Variants in SIPA1L3 observed in about 807,000 individuals in gnomAD.
SIPA1L3 encodes signal induced proliferation associated 1 like 3.
SIPA1L3 carries 59 observed loss-of-function variants against 150.1 expected under a neutral mutation model. The ratio of observed to expected loss-of-function variants is 0.39; its 90% CI spans 0.32 to 0.49. The LOEUF (loss-of-function observed/expected upper bound fraction) is 0.49, where lower values mean the gene tolerates loss of function less well. SIPA1L3 is among the 20% of genes least tolerant of loss of function. SIPA1L3 has a pLI of 0.86. For synonymous variants in SIPA1L3, 1,070 were observed against 1,077.6 expected (o/e 0.99, Z 0.14); for missense variants, 2,211 against 2,489.5 (o/e 0.89, Z 2.38).
intron 18 of SIPA1L3, 111 bp from the exon 19 acceptor site, chr19:38,198,278 A>C: frequency 8.0e-7 from 1 of 1,255,562 alleles, no homozygotes; most frequent in Non-Finnish European, 1.1e-6. Context: ...ACCCTGCTGG[A>C]GGTTTTCCTG....
intron 1 of SIPA1L3, among the ~76,000 whole-genome samples, chr19:37,927,727 G>GT (rs2046518920): frequency 7.2e-6 from 1 of 139,526 alleles, no homozygotes; most frequent in African/African-American, 2.7e-5. Flanking sequence ...AAGAACATGG[G>GT]GTGTGTGTGT....
intron 15 of SIPA1L3, among the ~76,000 whole-genome samples, chr19:38,167,601 T>C (rs1345795696): frequency 6.6e-6 from 1 of 152,194 alleles, no homozygotes; most frequent in African/African-American, 2.4e-5. Flanking sequence ...CCTGCTCTAT[T>C]GCCCAGGCTG....
At chr19:38,083,914 A>G (rs567636733) in intron 3 of SIPA1L3, among the ~76,000 whole-genome samples, 1 of 149,746 alleles carries the variant, frequency 6.7e-6, no homozygotes, top group East Asian at 2.0e-4. Flanking sequence ...AATCGCTTGA[A>G]CCCAGGAGGC....
At chr19:37,976,995 C>T (rs1036931046) in intron 1 of SIPA1L3, among the ~76,000 whole-genome samples, 3 of 151,924 alleles carry the variant, frequency 2.0e-5, no homozygotes, top group African/African-American at 4.8e-5. Context: ...CCACCATCCC[C>T]GGCTAATTTT....
At chr19:38,179,024 G>T (rs1280580692) in intron 15 of SIPA1L3, among the ~76,000 whole-genome samples, 1 of 152,180 alleles carries the variant, frequency 6.6e-6, no homozygotes, top group Non-Finnish European at 1.5e-5. Flanking sequence ...GACCATTCAC[G>T]TTAAATGTAA....
At chr19:37,988,637 C>T (rs1179263940) in intron 1 of SIPA1L3, among the ~76,000 whole-genome samples, 1 of 152,198 alleles carries the variant, frequency 6.6e-6, no homozygotes, top group Non-Finnish European at 1.5e-5. Flanking sequence ...GATCACACCA[C>T]TGCACTCCAG....
rs552417611 is a variant in SIPA1L3 at position 37,973,297 on chromosome 19, C to T, written c.-378-55792C>T. 1.3e-3 allele frequency among the ~76,000 whole-genome samples: 184 copies of T among 143,520 alleles called. 2 individuals carry two copies. Among genetic ancestry groups the T allele is most frequent in the African/African-American group, 4.2e-3 (162 of 38,368 alleles). The allele number at this position is 143,520 out of a possible 152,430, so 94.2% of individuals were successfully genotyped here. A position where few individuals can be genotyped will look rare whatever the true frequency, so the allele number is the denominator to read the frequency against. On this transcript the variant is annotated intron_variant, in intron 1 of 21. Transcript: ENST00000222345. The stretch of plus-strand genomic sequence containing the variant: ...TGTCACCCAGGCTGGAGTGCAGTGG[C>T]GCAATCTTGGCTCACTGCAACCTCC...
chr19:38,038,916 C>CT (rs1353612335), intron 2 of SIPA1L3, among the ~76,000 whole-genome samples: 8 of 152,142 alleles, frequency 5.3e-5, no homozygotes, highest in African/African-American at 1.9e-4. Context: ...CACAGTCTCA[C>CT]TTTGTCGCCC....
chr19:38,189,985 GCCTGGCCCTTT>G (rs1265478711), intron 16 of SIPA1L3, among the ~76,000 whole-genome samples: 4 of 152,156 alleles, frequency 2.6e-5, no homozygotes, highest in Non-Finnish European at 4.4e-5. Flanking sequence ...TGGGTGGTGG[GCCTGGCCCTTT>G]CCTGGCTGGG....
At chr19:38,117,485 A>G (rs1394916223) in intron 8 of SIPA1L3, among the ~76,000 whole-genome samples, 1 of 152,026 alleles carries the variant, frequency 6.6e-6, no homozygotes, top group Non-Finnish European at 1.5e-5. Flanking sequence ...CAGGCGTTGT[A>G]GCAGGTGCCT....
intron 1 of SIPA1L3, among the ~76,000 whole-genome samples, chr19:37,996,143 G>A (rs1967634856): frequency 6.6e-6 from 1 of 152,136 alleles, no homozygotes; most frequent in Non-Finnish European, 1.5e-5. Context: ...GCCAGGGCTG[G>A]TCTCAAACTC....
intron 13 of SIPA1L3, among the ~76,000 whole-genome samples, chr19:38,158,940 T>C (rs1014361819): frequency 6.6e-6 from 1 of 152,112 alleles, no homozygotes; most frequent in African/African-American, 2.4e-5. Context: ...AGCCCAGAGG[T>C]AGAGCACTGG....
Position 38,154,596 on chromosome 19 carries a change from C to T in SIPA1L3, c.3661+1629C>T, listed in dbSNP as rs1051179795. Among the ~76,000 whole-genome samples, 11 of 152,090 alleles carry T rather than the reference C, an allele frequency of 7.2e-5. No individual in the cohort carries two copies. In the East Asian group the frequency reaches 1.7e-3, roughly 24 times the overall value. The stretch of plus-strand genomic sequence containing the variant: ...TCAAGTAGCTGAGACTACAGACATG[C>T]GCCACCACACCTGGCTAATTTTTGT... On this transcript the variant is annotated intron_variant, in intron 13 of 21. Coordinates refer to ENST00000222345, the MANE Select transcript of SIPA1L3 (RefSeq NM_015073.3).
Position 37,962,146 on chromosome 19 carries a change from C to CTTTTTTTTTTT in SIPA1L3, c.-379+54793_-379+54803dup, listed in dbSNP as rs369762947. ...TGTGTCTCACAATTTTTCTTTCATT[C>CTTTTTTTTTTT]TTTTTTTTTTTTTTTGAGACAGAGT... On this transcript the variant is annotated intron_variant, in intron 1 of 21. Transcript: ENST00000222345. Among the ~76,000 whole-genome samples the CTTTTTTTTTTT allele has an allele frequency of 7.0e-5, 10 of 142,244 alleles. 3 individuals are homozygous for CTTTTTTTTTTT. Among genetic ancestry groups the CTTTTTTTTTTT allele is most frequent in the Non-Finnish European group, 1.1e-4 (7 of 64,732 alleles). 93.3% of individuals were successfully genotyped at this position (142,244 alleles called of 152,430 possible). A position where few individuals can be genotyped will look rare whatever the true frequency, so the allele number is the denominator to read the frequency against.
chr19:37,976,444 C>T (rs1248142826), intron 1 of SIPA1L3, among the ~76,000 whole-genome samples: 4 of 152,110 alleles, frequency 2.6e-5, no homozygotes, highest in Admixed American at 2.6e-4. Context: ...AGTGTGAAAC[C>T]CAGTAAGTGA....
intron 1 of SIPA1L3, among the ~76,000 whole-genome samples, chr19:37,992,983 G>A (rs956266013): frequency 1.3e-5 from 2 of 152,176 alleles, no homozygotes; most frequent in Admixed American, 6.5e-5. Context: ...GCGTGACCCC[G>A]GCAGGATCCT....
chr19:37,964,723 C>T (rs1321887990), intron 1 of SIPA1L3: 2 of 152,148 alleles, frequency 1.3e-5, no homozygotes, highest in African/African-American at 2.4e-5. Context: ...GTCTCGAACT[C>T]CTGACCTCAA....
intron 21 of SIPA1L3, among the ~76,000 whole-genome samples, chr19:38,205,648 G>A (rs11668067): frequency 0.5 from 76,423 of 151,834 alleles, 21,431 homozygotes; most frequent in East Asian, 0.7. Context: ...CCTTTCGGGG[G>A]CTACGTCCTC....
rs553739699 is a variant in SIPA1L3 at position 38,117,095 on chromosome 19, C to T, written c.2292-2211C>T. Among the ~76,000 whole-genome samples the T allele has an allele frequency of 1.3e-4, 20 of 152,312 alleles. 1 individual carries two copies. The South Asian group carries it at 3.9e-3, about 30-fold the overall frequency. The stretch of plus-strand genomic sequence containing the variant: ...CAGGGCTCCTTCCGCCCAGAAGCCT[C>T]GATGGGTTGAGAGCCTGGTTACCTC... On this transcript the variant is annotated intron_variant, in intron 8 of 21. Transcript: ENST00000222345.
Sources: gnomAD v4.1 joint callset for allele counts (sites outside exome capture counted in the v4.1 genomes callset) on GRCh38, gnomAD v4.1.1 for gene constraint, MANE v1.5 for transcripts, NCBI Gene and HGNC (gene_info 2026-07-23, HGNC 2026-07-21) for gene names.